The following KIRREL3 variants were observed in gnomAD, a reference collection of about 807,000 sequenced individuals.
KIRREL3 encodes the protein kin of IRRE-like protein 3.
A neutral mutation model predicts 89.7 loss-of-function variants in KIRREL3; 36 were observed. The ratio of observed to expected loss-of-function variants is 0.40; its 90% CI spans 0.31 to 0.53. The LOEUF (loss-of-function observed/expected upper bound fraction) is 0.53, where lower values mean the gene tolerates loss of function less well. Ranked by LOEUF, KIRREL3 falls within the 20% of genes least tolerant of loss-of-function variation. The pLI is 0.49. For synonymous variants in KIRREL3, 445 were observed against 441.4 expected (o/e 1.01, Z -0.10); for missense variants, 864 against 1,056.6 (o/e 0.82, Z 2.53).
rs1318341333 is a variant in KIRREL3, at chr11:126,821,549, TA to T, written c.55+178905del. 8.7e-4 allele frequency among the ~76,000 whole-genome samples: 132 copies of T among 151,848 alleles called. 2 individuals are homozygous for T. The highest frequency in any genetic ancestry group is 2.9e-3 in the African/African-American group (120 of 41,318). On this transcript the variant is annotated intron_variant, in intron 1 of 16. Transcript: ENST00000525144. The stretch of plus-strand genomic sequence containing the variant: ...AGGGGAGACATCATTATTCCCATCT[TA>T]CAGGGTGAGGTAGGCAGAATAATGT...
At chr11:126,760,427 A>T (rs2134267010) in intron 1 of KIRREL3, among the ~76,000 whole-genome samples, 1 of 152,344 alleles carries the variant, frequency 6.6e-6, no homozygotes, top group South Asian at 2.1e-4. Flanking sequence ...CATTTCTGGG[A>T]ACATCAACAA....
In KIRREL3 at chr11:126,476,461, T is replaced by G. The variant is rs1377493607; in HGVS notation, c.434-2995A>C. On this transcript the variant is annotated intron_variant, in intron 4 of 16. Coordinates refer to ENST00000525144, the MANE Select transcript of KIRREL3 (RefSeq NM_032531.4). The surrounding 1 kb of genome is among the most constrained non-coding windows in gnomAD (Gnocchi z 6.4). ...GTGTTGTGTTACTGGAATATCGGAT[T>G]AGAGGCAGCGAGGACGAGGGAGGAG... Among the ~76,000 whole-genome samples the G allele has an allele frequency of 6.6e-6, 1 of 152,126 alleles. No homozygotes were observed. The highest frequency in any genetic ancestry group is 2.4e-5 in the African/African-American group (1 of 41,408).
At position 126,624,600 on chromosome 11, in the gene KIRREL3, T is replaced by G. The variant is rs946187625; in HGVS notation, c.56-61688A>C. Among the ~76,000 whole-genome samples the G allele has an allele frequency of 2.0e-5, 3 of 152,212 alleles. No homozygotes were observed. Among genetic ancestry groups the G allele is most frequent in the Non-Finnish European group, 4.4e-5 (3 of 68,038 alleles). On this transcript the variant is annotated intron_variant, in intron 1 of 16. Coordinates refer to ENST00000525144, the MANE Select transcript of KIRREL3 (RefSeq NM_032531.4). This position sits in a 1 kb window ranked among gnomAD's most constrained non-coding sequence, Gnocchi z 6.0. ...GTGTTATTCACCTGACGGATTAAGCTCAGCAGAGGCAAGCTGCCTAGGCAT... is the reference window on the plus strand; with the variant it reads ...GTGTTATTCACCTGACGGATTAAGCGCAGCAGAGGCAAGCTGCCTAGGCAT...
At chr11:126,649,841 G>A (rs1944840495) in intron 1 of KIRREL3, among the ~76,000 whole-genome samples, 1 of 152,222 alleles carries the variant, frequency 6.6e-6, no homozygotes, top group Non-Finnish European at 1.5e-5. Context: ...CTCTGTATGA[G>A]GGCTCTGACC....
Position 126,587,742 on chromosome 11 carries a change from T to A in KIRREL3, c.56-24830A>T, listed in dbSNP as rs1040974853. Among the ~76,000 whole-genome samples, 4 of 152,270 alleles carry A rather than the reference T, an allele frequency of 2.6e-5. No homozygotes were observed. Among genetic ancestry groups the A allele is most frequent in the Non-Finnish European group, 4.4e-5 (3 of 68,052 alleles). ...TAAATTGAAACCGCAGTACAATATA[T>A]GTGAATGATTAGGTTGTGTAATACA... On this transcript the variant is annotated intron_variant, in intron 1 of 16. Transcript: ENST00000525144. This position sits in a 1 kb window ranked among gnomAD's most constrained non-coding sequence, Gnocchi z 5.2.
chr11:126,799,064 G>A (rs919753864), intron 1 of KIRREL3, among the ~76,000 whole-genome samples: 3 of 150,704 alleles, frequency 2.0e-5, no homozygotes, highest in Admixed American at 6.6e-5. Context: ...CTGTGTGCGT[G>A]TGCACGTATT....
At chr11:126,873,982 T>A (rs1378755348) in intron 1 of KIRREL3, among the ~76,000 whole-genome samples, 1 of 152,218 alleles carries the variant, frequency 6.6e-6, no homozygotes, top group Non-Finnish European at 1.5e-5. Flanking sequence ...CCCAGCCTGG[T>A]GGTTTGCACC....
chr11:126,832,392 T>C (rs998347536), intron 1 of KIRREL3, among the ~76,000 whole-genome samples: 2 of 152,160 alleles, frequency 1.3e-5, no homozygotes, highest in African/African-American at 4.8e-5. Context: ...GTGAAAGTTA[T>C]AATAGCTTTA....
At position 126,564,538 on chromosome 11, in the gene KIRREL3, C is replaced by T. The variant is rs1021143759; in HGVS notation, c.56-1626G>A. On this transcript the variant is annotated intron_variant, in intron 1 of 16. Coordinates refer to ENST00000525144, the MANE Select transcript of KIRREL3 (RefSeq NM_032531.4). This position sits in a 1 kb window ranked among gnomAD's most constrained non-coding sequence, Gnocchi z 7.4. ...GCACTGTTTCCAAAGGCACTCACTT[C>T]TCTTCCTTCCCCTCCACACTGGCGT... 6.6e-6 allele frequency among the ~76,000 whole-genome samples: 1 copy of T among 152,220 alleles called. No homozygotes were observed. The highest frequency in any genetic ancestry group is 1.5e-5 in the Non-Finnish European group (1 of 68,030).
intron 8 of KIRREL3, among the ~76,000 whole-genome samples, chr11:126,447,231 G>C (rs540795773): frequency 6.6e-6 from 1 of 152,172 alleles, no homozygotes; most frequent in Non-Finnish European, 1.5e-5. Flanking sequence ...TCTGGATCAC[G>C]CCCGGTGCTA....
At chr11:126,982,546 G>A (rs190849625) in intron 1 of KIRREL3, among the ~76,000 whole-genome samples, 209 of 152,262 alleles carry the variant, frequency 1.4e-3, no homozygotes, top group Non-Finnish European at 2.3e-3. Flanking sequence ...TGTTATAATC[G>A]TATCTCTCCT....
chr11:126,926,409 T>C (rs1947717570), intron 1 of KIRREL3, among the ~76,000 whole-genome samples: 1 of 152,208 alleles, frequency 6.6e-6, no homozygotes, highest in South Asian at 2.1e-4. Flanking sequence ...TATTTCCCTG[T>C]CATATGGTAA....
rs1555189986 is a variant in KIRREL3 at position 126,762,170 on chromosome 11, CATAA to C, written c.56-199262_56-199259del. Among the ~76,000 whole-genome samples the C allele has an allele frequency of 9.6e-3, 1,445 of 151,262 alleles. 28 individuals are homozygous for C. The highest frequency in any genetic ancestry group is 0.033 in the African/African-American group (1,357 of 40,980). On this transcript the variant is annotated intron_variant, in intron 1 of 16. Coordinates refer to ENST00000525144, the MANE Select transcript of KIRREL3 (RefSeq NM_032531.4). ...AGCTTGGGTGACAGAGTGAGACTGT[CATAA>C]ATAAATAAATAAATAAATAAACAAA...
intron 1 of KIRREL3, among the ~76,000 whole-genome samples, chr11:126,599,662 C>G (rs1019635410): frequency 1.3e-5 from 2 of 152,194 alleles, no homozygotes; most frequent in African/African-American, 4.8e-5. Flanking sequence ...CTGAAGGGGA[C>G]TTGCTTACAG....
rs1043991943 is a variant in KIRREL3 at position 126,703,339 on chromosome 11, T to C, written c.56-140427A>G. ...GAGCTGTTCTCTGCAGCAGCTTTGC[T>C]CATGGGGCACTGGTGAGCAGCAAAC... On this transcript the variant is annotated intron_variant, in intron 1 of 16. Coordinates refer to ENST00000525144, the MANE Select transcript of KIRREL3 (RefSeq NM_032531.4). This position sits in a 1 kb window ranked among gnomAD's most constrained non-coding sequence, Gnocchi z 4.6. Among the ~76,000 whole-genome samples the C allele has an allele frequency of 6.6e-6, 1 of 152,236 alleles. No individual in the cohort carries two copies. The highest frequency in any genetic ancestry group is 1.5e-5 in the Non-Finnish European group (1 of 68,042).
Position 126,969,523 on chromosome 11 carries a change from G to T in KIRREL3, c.55+30932C>A, listed in dbSNP as rs1565465771. The stretch of plus-strand genomic sequence containing the variant: ...GTAAGAACGTCTCCTGAGGGCGGAG[G>T]CTGTGGGTAGCAATGGAGCATGGTG... On this transcript the variant is annotated intron_variant, in intron 1 of 16. Transcript: ENST00000525144. This position sits in a 1 kb window ranked among gnomAD's most constrained non-coding sequence, Gnocchi z 4.9. Among the ~76,000 whole-genome samples, 1 of 152,276 alleles carries T rather than the reference G, an allele frequency of 6.6e-6. No homozygotes were observed. The highest frequency in any genetic ancestry group is 1.9e-4 in the East Asian group (1 of 5,170).
chr11:126,550,307 C>T lies in KIRREL3; in HGVS notation c.133+12528G>A, dbSNP rs1461910536. The T allele has an allele frequency of 1.3e-5, 2 of 152,176 alleles. No homozygotes were observed. The highest frequency in any genetic ancestry group is 4.8e-5 in the African/African-American group (2 of 41,424). 9.4% of individuals were successfully genotyped at this position (152,176 alleles called of 1,614,324 possible). Reference sequence around the variant, plus strand: ...TGTAATGATAGGGGTCTAAGCCTGCCCTGACTACACCCGGGATTTGAATCT... The same window carrying T: ...TGTAATGATAGGGGTCTAAGCCTGCTCTGACTACACCCGGGATTTGAATCT... On this transcript the variant is annotated intron_variant, in intron 2 of 16. Coordinates refer to ENST00000525144, the MANE Select transcript of KIRREL3 (RefSeq NM_032531.4). The surrounding 1 kb of genome is among the most constrained non-coding windows in gnomAD (Gnocchi z 4.9).
intron 1 of KIRREL3, among the ~76,000 whole-genome samples, chr11:126,875,798 C>T (rs538685763): frequency 6.6e-6 from 1 of 152,264 alleles, no homozygotes; most frequent in South Asian, 2.1e-4. Context: ...TTCACAATTA[C>T]AATATCAAAG....
intron 16 of KIRREL3, 122 bp from the exon 17 acceptor site, chr11:126,425,145 G>C (rs1224047257): frequency 1.1e-6 from 1 of 922,314 alleles, no homozygotes. Context: ...GAGGAAGGGA[G>C]CAACCTGGTA....
Sources: allele counts gnomAD v4.1 joint callset (sites outside exome capture counted in the v4.1 genomes callset), GRCh38; gene constraint gnomAD v4.1.1; non-coding constraint Gnocchi (gnomAD v3.1); transcripts MANE v1.5; gene names NCBI Gene and HGNC (gene_info 2026-07-23, HGNC 2026-07-21).